HPSE2: variants seen among roughly 807,000 people sequenced by gnomAD.
HPSE2 encodes the protein heparanase 2 (inactive), also known as inactive heparanase-2.
A neutral mutation model predicts 60.5 loss-of-function variants in HPSE2; 38 were observed. The observed-to-expected ratio is 0.63, with a 90% CI of 0.48 to 0.82. HPSE2 has a LOEUF of 0.82. Ranked by LOEUF, HPSE2 falls within the 40% of genes least tolerant of loss-of-function variation. HPSE2 has a pLI of 0.00. For missense variants in HPSE2, 713 were observed against 740.4 expected, an observed-to-expected ratio of 0.96 and a Z score of 0.43; for synonymous variants, 295 against 293.2, an observed-to-expected ratio of 1.01 and a Z score of -0.06.
At chr10:99,107,275 A>G (rs1844285607) in intron 3 of HPSE2, among the ~76,000 whole-genome samples, 1 of 152,200 alleles carries the variant, frequency 6.6e-6, no homozygotes, top group East Asian at 1.9e-4. Flanking sequence ...GAAACAGAGT[A>G]TTTAAACCTT....
At chr10:99,111,868 A>C (rs1010891356) in intron 3 of HPSE2, among the ~76,000 whole-genome samples, 7 of 152,160 alleles carry the variant, frequency 4.6e-5, no homozygotes, top group African/African-American at 1.7e-4. Flanking sequence ...TATTCCTCCA[A>C]TATAGCCCCA....
chr10:98,520,980 A>C (rs1359000716), intron 9 of HPSE2, among the ~76,000 whole-genome samples: 1 of 152,250 alleles, frequency 6.6e-6, no homozygotes, highest in Non-Finnish European at 1.5e-5. Context: ...ACCTTATACA[A>C]AAATTAATTC....
intron 9 of HPSE2, among the ~76,000 whole-genome samples, chr10:98,582,952 C>T (rs572138959): frequency 1.3e-5 from 2 of 152,186 alleles, no homozygotes; most frequent in South Asian, 4.2e-4. Context: ...ATCCCTGGCC[C>T]CAGGTAATCA....
At chr10:99,251,300 T>G in the HPSE2 span, among the ~76,000 whole-genome samples, 14 of 152,090 alleles carry the variant, frequency 9.2e-5, no homozygotes, top group Non-Finnish European at 1.6e-4. Flanking sequence ...AGCAAGAAAT[T>G]GAAACCCTGA....
At chr10:98,908,421 C>T (rs192953325) in intron 3 of HPSE2, among the ~76,000 whole-genome samples, 5 of 152,070 alleles carry the variant, frequency 3.3e-5, no homozygotes, top group African/African-American at 1.2e-4. Context: ...CAGTGGCTCA[C>T]GCCTGTTATC....
intron 3 of HPSE2, among the ~76,000 whole-genome samples, chr10:99,121,006 G>A (rs1399874100): frequency 3.3e-5 from 5 of 152,124 alleles, no homozygotes; most frequent in African/African-American, 9.7e-5. Flanking sequence ...ACATACATGC[G>A]TATGTTCATT....
At chr10:98,576,847 C>CT (rs554999991) in intron 9 of HPSE2, among the ~76,000 whole-genome samples, 3 of 151,982 alleles carry the variant, frequency 2.0e-5, no homozygotes, top group Non-Finnish European at 4.4e-5. Context: ...ATTAGCCCTC[C>CT]TTTTTTTATT....
chr10:98,604,971 C>T (rs937191655), intron 9 of HPSE2, among the ~76,000 whole-genome samples: 1 of 152,176 alleles, frequency 6.6e-6, no homozygotes, highest in Non-Finnish European at 1.5e-5. Flanking sequence ...GGCCTTCCTG[C>T]CTTCCTGCTG....
chr10:98,551,398 T>C (rs1345319066), intron 9 of HPSE2, among the ~76,000 whole-genome samples: 1 of 152,216 alleles, frequency 6.6e-6, no homozygotes, highest in Non-Finnish European at 1.5e-5. Context: ...TCAACTCCCA[T>C]TTCTTCTGAC....
intron 6 of HPSE2, among the ~76,000 whole-genome samples, chr10:98,675,579 A>ACACACACACAC (rs59595985): frequency 1.2e-3 from 144 of 122,318 alleles, no homozygotes; most frequent in Non-Finnish European, 1.9e-3. Flanking sequence ...CACACACACA[A>ACACACACACAC]TAACCAGCCA....
At chr10:98,870,459 G>T (rs188883569) in intron 3 of HPSE2, among the ~76,000 whole-genome samples, 16 of 152,150 alleles carry the variant, frequency 1.1e-4, no homozygotes, top group African/African-American at 3.8e-4. Flanking sequence ...ATCTTTGGTA[G>T]AGCTGACAAC....
intron 9 of HPSE2, among the ~76,000 whole-genome samples, chr10:98,585,262 T>C (rs1944907105): frequency 6.9e-6 from 1 of 144,490 alleles, no homozygotes; most frequent in Non-Finnish European, 1.5e-5. Context: ...TTAAAAGTTG[T>C]TTTAAAGTAG....
Position 99,232,249 on chromosome 10 carries a change from AC to A in HPSE2, c.448+98del. ...CACACACACACACACACACACACACACACACACGAACACACAGACACACGAA... is the reference window on the plus strand; with the variant it reads ...CACACACACACACACACACACACACAACACACGAACACACAGACACACGAA... On this transcript the variant is annotated intron_variant, in intron 2 of 11. Transcript: ENST00000370552. 4 of 1,362,182 alleles carry A rather than the reference AC, an allele frequency of 2.9e-6. No individual in the cohort carries two copies. In the Admixed American group the frequency reaches 7.9e-5, roughly 27 times the overall value. 84.4% of individuals were successfully genotyped at this position (1,362,182 alleles called of 1,614,324 possible).
chr10:99,181,042 C>A (rs1164437834), intron 2 of HPSE2, among the ~76,000 whole-genome samples: 1 of 151,878 alleles, frequency 6.6e-6, no homozygotes, highest in Non-Finnish European at 1.5e-5. Flanking sequence ...ACCAGAAATA[C>A]CATTTAACCC....
At chr10:99,038,033 CA>C (rs1423896911) in intron 3 of HPSE2, among the ~76,000 whole-genome samples, 2 of 151,996 alleles carry the variant, frequency 1.3e-5, no homozygotes, top group African/African-American at 4.8e-5. Flanking sequence ...AAAGTAGTAG[CA>C]ATATTAAATG....
intron 3 of HPSE2, among the ~76,000 whole-genome samples, chr10:98,945,167 C>CA (rs962159297): frequency 4.6e-4 from 70 of 152,072 alleles, no homozygotes; most frequent in Non-Finnish European, 5.6e-4. Context: ...TATCCCCACC[C>CA]AAAAAAAGAA....
At position 98,976,208 on chromosome 10, in the gene HPSE2, A is replaced by C. The variant is rs142781168; in HGVS notation, c.610+168030T>G. On this transcript the variant is annotated intron_variant, in intron 3 of 11. Transcript: ENST00000370552. The stretch of plus-strand genomic sequence containing the variant: ...ACAGGATATTAGAGACCTCAAGGAA[A>C]GAGACTATACATATATATATTTACT... 1.4e-4 allele frequency among the ~76,000 whole-genome samples: 21 copies of C among 152,284 alleles called. No individual in the cohort carries two copies. The East Asian group carries it at 3.9e-3, about 28-fold the overall frequency.
intron 3 of HPSE2, among the ~76,000 whole-genome samples, chr10:98,930,938 A>G (rs1452098849): frequency 1.4e-5 from 2 of 144,212 alleles, no homozygotes; most frequent in Admixed American, 1.4e-4. Flanking sequence ...CTCTGATGAT[A>G]GTTTCATTTG....
chr10:98,863,161 T>G (rs1287313155), intron 3 of HPSE2, among the ~76,000 whole-genome samples: 1 of 152,190 alleles, frequency 6.6e-6, no homozygotes, highest in Non-Finnish European at 1.5e-5. Flanking sequence ...AAATTTTTGT[T>G]GACCATTGGT....
Sources: gnomAD v4.1 joint callset for allele counts (sites outside exome capture counted in the v4.1 genomes callset) on GRCh38, gnomAD v4.1.1 for gene constraint, MANE v1.5 for transcripts, NCBI Gene and HGNC (gene_info 2026-07-23, HGNC 2026-07-21) for gene names.